The following PCDHA6 variants were observed in gnomAD, a reference collection of about 807,000 sequenced individuals.
PCDHA6 encodes the protein protocadherin alpha-6.
In PCDHA6, 55 loss-of-function variants were observed where a neutral mutation model predicts 60.3. The observed-to-expected ratio is 0.91, with a 90% CI of 0.73 to 1.14. The LOEUF (loss-of-function observed/expected upper bound fraction) is 1.14. PCDHA6 is among the 50% of genes most tolerant of loss of function. PCDHA6 has a pLI of 0.00. For synonymous variants in PCDHA6, 652 were observed against 557.9 expected (o/e 1.17, Z -2.38); for missense variants, 1,327 against 1,256.5 (o/e 1.06, Z -0.85).
intron 1 of PCDHA6, among the ~76,000 whole-genome samples, chr5:140,833,310 T>C (rs1772401616): frequency 6.6e-6 from 1 of 152,138 alleles, no homozygotes; most frequent in Non-Finnish European, 1.5e-5. Context: ...CATAATTATT[T>C]TACATGCCAT....
At chr5:140,965,876 C>T (rs1416182822) in intron 1 of PCDHA6, among the ~76,000 whole-genome samples, 1 of 152,152 alleles carries the variant, frequency 6.6e-6, no homozygotes, top group African/African-American at 2.4e-5. Flanking sequence ...GCCACTTGGC[C>T]GAGAGCAGAA....
intron 1 of PCDHA6, chr5:140,870,574 T>C (rs1429082420): frequency 6.2e-7 from 1 of 1,613,934 alleles, no homozygotes; most frequent in Non-Finnish European, 8.5e-7. Flanking sequence ...GCTGGTGTCC[T>C]ACTCGCTGGT....
chr5:140,847,832 C>T (rs1426202743), intron 1 of PCDHA6: 2 of 149,636 alleles, frequency 1.3e-5, no homozygotes, highest in Non-Finnish European at 3.0e-5. Context: ...AGAAAACTAC[C>T]TCAGTTGGTT....
chr5:140,966,740 C>T lies in PCDHA6; in HGVS notation c.2395-12209C>T, dbSNP rs782420339. 10 of 1,422,580 alleles carry T rather than the reference C, an allele frequency of 7.0e-6. No individual in the cohort carries two copies. In the Admixed American group the frequency reaches 8.4e-5, roughly 12 times the overall value. 88.1% of individuals were successfully genotyped at this position (1,422,580 alleles called of 1,614,324 possible). ...GGAAGCTGCCGCCTCCGGCCCTGCC[C>T]GGCTGCCTCCGCCGCGGCCAGTGGC... On this transcript the variant is annotated intron_variant, in intron 1 of 3. Transcript: ENST00000529310.
intron 1 of PCDHA6, chr5:140,859,934 A>G (rs2046100230): frequency 1.3e-5 from 2 of 152,070 alleles, no homozygotes; most frequent in Non-Finnish European, 2.9e-5. Flanking sequence ...TAAAAAACTT[A>G]GTAAAAACTC....
chr5:140,966,620 G>A lies in PCDHA6; in HGVS notation c.2395-12329G>A, dbSNP rs2096027901. 8 of 837,888 alleles carry A rather than the reference G, an allele frequency of 9.5e-6. No homozygotes were observed. The East Asian group carries it at 2.6e-4, about 27-fold the overall frequency. 51.9% of individuals were successfully genotyped at this position (837,888 alleles called of 1,614,324 possible). A position where few individuals can be genotyped will look rare whatever the true frequency, so the allele number is the denominator to read the frequency against. On this transcript the variant is annotated intron_variant, in intron 1 of 3. Transcript: ENST00000529310. ...GAGCCCTTGGGAGGGCCTACGGAGG[G>A]AGCGGCCCCAGGCGCTTTCTAGAGC...
At chr5:140,851,161 T>C in intron 1 of PCDHA6, 1 of 1,297,820 alleles carries the variant, frequency 7.7e-7, no homozygotes, top group East Asian at 2.8e-5. Flanking sequence ...TCTGATGCTA[T>C]GCTGCCATAA....
intron 1 of PCDHA6, among the ~76,000 whole-genome samples, chr5:140,973,778 T>C (rs910410874): frequency 3.9e-5 from 6 of 152,256 alleles, no homozygotes; most frequent in African/African-American, 1.4e-4. Context: ...ATATTATAGG[T>C]TGCCTATTGG....
At chr5:140,927,678 A>G in intron 1 of PCDHA6, 1 of 1,614,180 alleles carries the variant, frequency 6.2e-7, no homozygotes, top group Non-Finnish European at 8.5e-7. Context: ...ATCCAGATGA[A>G]GGGTCCAATG....
chr5:141,006,296 C>G (rs2153987135), intron 3 of PCDHA6, among the ~76,000 whole-genome samples: 1 of 152,102 alleles, frequency 6.6e-6, no homozygotes, highest in East Asian at 1.9e-4. Context: ...ACTGCAAGCT[C>G]CACTTCCCGG....
intron 1 of PCDHA6, among the ~76,000 whole-genome samples, chr5:140,939,650 A>G (rs1203077314): frequency 1.3e-5 from 2 of 152,228 alleles, no homozygotes; most frequent in African/African-American, 2.4e-5. Flanking sequence ...GAAAACTTCA[A>G]TAACAGGAAT....
At chr5:140,839,706 G>A (rs2150300101) in intron 1 of PCDHA6, among the ~76,000 whole-genome samples, 1 of 152,134 alleles carries the variant, frequency 6.6e-6, no homozygotes, top group South Asian at 2.1e-4. Context: ...ATAATGTGAT[G>A]ACAAATTTAA....
chr5:141,003,370 G>A (rs192935173), intron 3 of PCDHA6, among the ~76,000 whole-genome samples: 1 of 152,262 alleles, frequency 6.6e-6, no homozygotes, highest in East Asian at 1.9e-4. Context: ...GGAGTGCAGT[G>A]GTGCAATCTC....
rs782398517 is a variant in PCDHA6 at position 140,857,600 on chromosome 5, G to T, written c.2394+27115G>T. 9 of 1,596,344 alleles carry T rather than the reference G, an allele frequency of 5.6e-6. No homozygotes were observed. Among genetic ancestry groups the T allele is most frequent in the Non-Finnish European group, 7.7e-6 (9 of 1,167,692 alleles). On this transcript the variant is annotated intron_variant, in intron 1 of 3. Transcript: ENST00000529310. ...GCACGCGGAGAGCGGCAAGGTGTAC[G>T]CGCTGCAGCCGCTGGACCACGAGGA...
intron 1 of PCDHA6, chr5:140,870,354 G>T: frequency 6.2e-7 from 1 of 1,614,226 alleles, no homozygotes; most frequent in Non-Finnish European, 8.5e-7. Context: ...GCGAGAACGT[G>T]TGGGCCTATG....
At chr5:140,838,077 AGTGTGTGTGTG>A (rs1775481751) in intron 1 of PCDHA6, among the ~76,000 whole-genome samples, 1 of 80,664 alleles carries the variant, frequency 1.2e-5, no homozygotes, top group East Asian at 3.3e-4. Context: ...ATATATATAT[AGTGTGTGTGTG>A]TGTGTGTGTG....
At chr5:140,882,282 G>A in intron 1 of PCDHA6, 3 of 1,612,830 alleles carry the variant, frequency 1.9e-6, no homozygotes, top group Non-Finnish European at 2.5e-6. Context: ...CTGTCTTCCT[G>A]GCAAGGAGGC....
intron 1 of PCDHA6, chr5:140,881,923 AGTGATT>A (rs2058875658): frequency 3.8e-6 from 1 of 262,834 alleles, no homozygotes; most frequent in African/African-American, 2.2e-5. Flanking sequence ...AGCAGAATGC[AGTGATT>A]TGCTGTTTCT....
chr5:140,948,889 AT>A (rs1263260325), intron 1 of PCDHA6, among the ~76,000 whole-genome samples: 2 of 151,468 alleles, frequency 1.3e-5, no homozygotes, highest in Non-Finnish European at 3.0e-5. Flanking sequence ...TCTCTTTTAG[AT>A]TTTAAGTGGA....
Sources: gnomAD v4.1 joint callset for allele counts (sites outside exome capture counted in the v4.1 genomes callset) on GRCh38, gnomAD v4.1.1 for gene constraint, MANE v1.5 for transcripts, NCBI Gene and HGNC (gene_info 2026-07-23, HGNC 2026-07-21) for gene names.